The following CBR4 variants were observed in gnomAD, a reference collection of about 807,000 sequenced individuals.
The protein encoded by CBR4 is 3-oxoacyl-[acyl-carrier-protein] reductase.
In CBR4, 22 loss-of-function variants were observed where a neutral mutation model predicts 21.0. That is an observed-to-expected ratio of 1.05 (90% CI 0.75 to 1.50). The LOEUF (loss-of-function observed/expected upper bound fraction) is 1.50, where lower values mean the gene tolerates loss of function less well. Among genes scored for constraint, CBR4 ranks in the 40% most tolerant of loss-of-function variants. The pLI is 0.00. For missense variants in CBR4, 302 were observed against 286.3 expected (o/e 1.05, Z -0.40); for synonymous variants, 100 against 104.4 (o/e 0.96, Z 0.26).
chr4:168,894,875 T>G, intron 2 of CBR4: 3 of 746,286 alleles, frequency 4.0e-6, no homozygotes, highest in Non-Finnish European at 4.2e-6. Context: ...ACAGAATTCT[T>G]TCCATCAGTG....
At chr4:168,918,368 T>C (rs1177708002) in intron 2 of CBR4, among the ~76,000 whole-genome samples, 1 of 151,538 alleles carries the variant, frequency 6.6e-6, no homozygotes, top group East Asian at 1.9e-4. Context: ...TGGAAAATTA[T>C]AATCCTGTCA....
chr4:168,961,145 T>C (rs1322751848), intron 2 of CBR4, among the ~76,000 whole-genome samples: 1 of 152,194 alleles, frequency 6.6e-6, no homozygotes, highest in East Asian at 1.9e-4. Context: ...CTTTGTCCTA[T>C]TGAAATTTTT....
intron 2 of CBR4, among the ~76,000 whole-genome samples, chr4:168,925,964 TAAAAAA>T (rs11357121): frequency 2.0e-5 from 3 of 150,132 alleles, no homozygotes; most frequent in African/African-American, 7.3e-5. Context: ...AGTGTTTACT[TAAAAAA>T]AAAAAAGATA....
chr4:168,942,876 A>G (rs1369551946), intron 2 of CBR4, among the ~76,000 whole-genome samples: 1 of 152,154 alleles, frequency 6.6e-6, no homozygotes, highest in Admixed American at 6.5e-5. Context: ...AAAATTCTCA[A>G]CATCACTAAT....
chr4:168,966,316 A>G (rs944463872), intron 2 of CBR4, among the ~76,000 whole-genome samples: 2 of 139,516 alleles, frequency 1.4e-5, no homozygotes, highest in African/African-American at 2.6e-5. Context: ...GATCAAGACC[A>G]TCCTGGCTAA....
chr4:168,928,341 T>TATCA (rs71719276), intron 2 of CBR4: 30 of 182,520 alleles, frequency 1.6e-4, no homozygotes, highest in South Asian at 2.0e-4. Flanking sequence ...AAAAAAGTAC[T>TATCA]ATCAATCAAT....
chr4:168,988,116 A>C lies in CBR4; in HGVS notation c.*2034T>G, dbSNP rs1044317273. ...CTTAAACCTCTGAACATAAGGCAACAGTTCACAACTGATTTCAGAAATAGA... is the reference window on the plus strand; with the variant it reads ...CTTAAACCTCTGAACATAAGGCAACCGTTCACAACTGATTTCAGAAATAGA... On this transcript the variant is annotated 3_prime_UTR_variant, in exon 5 of 5. Coordinates refer to ENST00000306193, the MANE Select transcript of CBR4 (RefSeq NM_032783.5). 1.2e-5 allele frequency: 12 copies of C among 985,302 alleles called. No homozygotes were observed. In the East Asian group the frequency reaches 1.0e-3, roughly 84 times the overall value. 61.0% of individuals were successfully genotyped at this position (985,302 alleles called of 1,614,324 possible).
At chr4:168,906,878 A>G (rs1757918030) in intron 2 of CBR4, among the ~76,000 whole-genome samples, 1 of 152,242 alleles carries the variant, frequency 6.6e-6, no homozygotes, top group African/African-American at 2.4e-5. Context: ...ACATAGGAAA[A>G]AAAGGAAAGG....
chr4:168,979,045 C>T (rs1764459557), intron 2 of CBR4, among the ~76,000 whole-genome samples: 1 of 152,100 alleles, frequency 6.6e-6, no homozygotes, highest in Non-Finnish European at 1.5e-5. Context: ...TCTTGAGCCT[C>T]CAGCACAGCA....
chr4:168,906,912 C>A (rs1757925009), intron 2 of CBR4, among the ~76,000 whole-genome samples: 1 of 152,170 alleles, frequency 6.6e-6, no homozygotes, highest in African/African-American at 2.4e-5. Flanking sequence ...AGAAATGTTA[C>A]TACAAATACC....
intron 2 of CBR4, chr4:168,927,951 C>G (rs1479360592): frequency 1.0e-5 from 2 of 198,522 alleles, no homozygotes; most frequent in Non-Finnish European, 2.1e-5. Flanking sequence ...CTCAGTTACT[C>G]AATTCATACG....
At chr4:168,942,018 T>C (rs1307103830) in intron 2 of CBR4, among the ~76,000 whole-genome samples, 1 of 151,938 alleles carries the variant, frequency 6.6e-6, no homozygotes, top group Non-Finnish European at 1.5e-5. Context: ...ATAAAGAAAA[T>C]GTGGCACATA....
intron 2 of CBR4, among the ~76,000 whole-genome samples, chr4:168,977,501 A>T (rs1246950197): frequency 6.6e-6 from 1 of 152,186 alleles, no homozygotes; most frequent in Non-Finnish European, 1.5e-5. Flanking sequence ...ACAATAGTAA[A>T]TACTGAGTAT....
At chr4:168,969,339 A>G (rs1764136063) in intron 2 of CBR4, among the ~76,000 whole-genome samples, 1 of 152,152 alleles carries the variant, frequency 6.6e-6, no homozygotes, top group Non-Finnish European at 1.5e-5. Flanking sequence ...CATTACGGTA[A>G]ACAGAATGAT....
intron 2 of CBR4, chr4:168,921,788 A>G: frequency 7.1e-7 from 1 of 1,402,356 alleles, no homozygotes; most frequent in South Asian, 1.2e-5. Flanking sequence ...TGAACATCAG[A>G]CTTACAAATG....
rs564917775 is a variant in CBR4 at position 168,906,959 on chromosome 4, C to T, written n.170-12194G>A. Among the ~76,000 whole-genome samples, 6 of 152,224 alleles carry T rather than the reference C, an allele frequency of 3.9e-5. No homozygotes were observed. In the South Asian group the frequency reaches 6.2e-4, roughly 16 times the overall value. On this transcript the variant is annotated intron_variant and non_coding_transcript_variant, in intron 2 of 3. Coordinates refer to the CBR4 transcript ENST00000509108. ...GCAACACCGATGATACTGAAAAAAC[C>T]TAGGATGAGGCCGGCAGGCCATGCA...
chr4:168,950,895 T>C (rs1042826783), intron 2 of CBR4, among the ~76,000 whole-genome samples: 6 of 152,198 alleles, frequency 3.9e-5, no homozygotes, highest in African/African-American at 1.4e-4. Flanking sequence ...TTGTCTAACA[T>C]AAGAATAGCT....
chr4:168,918,808 TAAAA>T (rs1189247180), intron 2 of CBR4, among the ~76,000 whole-genome samples: 1 of 152,144 alleles, frequency 6.6e-6, no homozygotes, highest in Admixed American at 6.5e-5. Flanking sequence ...AAAAAACACT[TAAAA>T]AAATTCATAC....
At chr4:168,914,218 TA>T in intron 2 of CBR4, 1 of 597,584 alleles carries the variant, frequency 1.7e-6, no homozygotes, top group Non-Finnish European at 3.0e-6. Context: ...AAACATTCGC[TA>T]ATGTGTGCTA....
Sources: gnomAD v4.1 joint callset for allele counts (sites outside exome capture counted in the v4.1 genomes callset) on GRCh38, gnomAD v4.1.1 for gene constraint, MANE v1.5 for transcripts, NCBI Gene and HGNC (gene_info 2026-07-23, HGNC 2026-07-21) for gene names.